The following ZC3H13 variants were observed in gnomAD, a reference collection of about 807,000 sequenced individuals.
ZC3H13 encodes the protein zinc finger CCCH-type containing 13, also known as zinc finger CCCH domain-containing protein 13.
A neutral mutation model predicts 204.1 loss-of-function variants in ZC3H13; 64 were observed. The observed-to-expected ratio is 0.31, with a 90% CI of 0.26 to 0.39. ZC3H13 has a LOEUF of 0.39. Ranked by LOEUF, ZC3H13 falls within the 10% of genes least tolerant of loss-of-function variation. ZC3H13 has a pLI of 1.00. For missense variants in ZC3H13, 1,833 were observed against 2,082.7 expected (o/e 0.88, Z 2.33); for synonymous variants, 667 against 693.7 (o/e 0.96, Z 0.60).
At position 45,957,336 on chromosome 13, in the gene ZC3H13, T is replaced by C. The variant is rs1419884871; in HGVS notation, c.4840-39A>G. Reference sequence around the variant, plus strand: ...ACAAAAACAAACTTTAAAAAAGATGTACATTATTAGTAGGAAAGATGGGCA... The same window carrying C: ...ACAAAAACAAACTTTAAAAAAGATGCACATTATTAGTAGGAAAGATGGGCA... On this transcript the variant is annotated intron_variant, in intron 18 of 18. Coordinates refer to ENST00000679008, the MANE Select transcript of ZC3H13 (RefSeq NM_001330564.2). 7 of 1,421,438 alleles carry C rather than the reference T, an allele frequency of 4.9e-6. No individual in the cohort carries two copies. In the South Asian group the frequency reaches 6.5e-5, roughly 13 times the overall value. The allele number at this position is 1,421,438 out of a possible 1,614,324, so 88.1% of individuals were successfully genotyped here. A position where few individuals can be genotyped will look rare whatever the true frequency, so the allele number is the denominator to read the frequency against.
Position 46,028,743 on chromosome 13 carries a change from T to C in ZC3H13, c.340-8186A>G, listed in dbSNP as rs568184868. Among the ~76,000 whole-genome samples the C allele has an allele frequency of 9.2e-5, 14 of 152,254 alleles. No homozygotes were observed. The East Asian group carries it at 2.7e-3, about 29-fold the overall frequency. The stretch of plus-strand genomic sequence containing the variant: ...AGAAATTGCAAAAAAATTTTTAAAA[T>C]ATTTTAAACTAAATGAAAATAAAAA... On this transcript the variant is annotated intron_variant, in intron 4 of 18. Coordinates refer to ENST00000679008, the MANE Select transcript of ZC3H13 (RefSeq NM_001330564.2).
intron 9 of ZC3H13, among the ~76,000 whole-genome samples, chr13:45,988,101 A>G (rs898034367): frequency 6.6e-6 from 1 of 152,140 alleles, no homozygotes; most frequent in Non-Finnish European, 1.5e-5. Flanking sequence ...TGATGCTTTC[A>G]AACTACGCTC....
chr13:45,985,507 C>T lies in ZC3H13; in HGVS notation c.1510G>A (p.Ala504Thr). 3 of 1,614,208 alleles carry T rather than the reference C, an allele frequency of 1.9e-6. No homozygotes were observed. Among genetic ancestry groups the T allele is most frequent in the Non-Finnish European group, 2.5e-6 (3 of 1,180,048 alleles). ...DPRDSRSTRDAHDYRDREGRD... is the reference protein window; with the variant it reads ...DPRDSRSTRDTHDYRDREGRD... ...CCTTCACGGTCCCTGTAGTCATGGG[C>T]ATCACGAGTGGACCGAGAATCTCTG... Residue 504 changes from alanine (A) to threonine (T), a missense_variant, in exon 10 of 19, where the codon GCC (alanine) becomes ACC (threonine). Ala to Thr is a moderately conservative substitution (Grantham distance 58). This residue lies in a region of ZC3H13 where 1,574 missense variants were observed against 1,757.2 expected (regional missense o/e 0.90). Coordinates refer to ENST00000679008, the MANE Select transcript of ZC3H13 (RefSeq NM_001330564.2).
At chr13:46,032,794 A>G (rs926982866) in intron 4 of ZC3H13, among the ~76,000 whole-genome samples, 8 of 152,178 alleles carry the variant, frequency 5.3e-5, no homozygotes, top group African/African-American at 1.9e-4. Flanking sequence ...CAATCATACA[A>G]TGAAATACTA....
At chr13:46,004,844 C>T (rs1380628939) in intron 7 of ZC3H13, among the ~76,000 whole-genome samples, 4 of 152,236 alleles carry the variant, frequency 2.6e-5, no homozygotes, top group South Asian at 4.1e-4. Context: ...CTTTAATCTA[C>T]TTGTAATTGA....
At chr13:45,975,242 T>G (rs765335789) in intron 12 of ZC3H13, 41 bp downstream of exon 12, 1 of 1,567,738 alleles carries the variant, frequency 6.4e-7, no homozygotes, top group Non-Finnish European at 8.6e-7. Context: ...AATTCTTTCC[T>G]GAAATGTAAA....
At chr13:45,976,689 T>TA (rs1433874754) in intron 11 of ZC3H13, among the ~76,000 whole-genome samples, 2 of 152,132 alleles carry the variant, frequency 1.3e-5, no homozygotes, top group Admixed American at 6.6e-5. Flanking sequence ...TAGTCTGGGA[T>TA]AAAAAAACGT....
intron 1 of ZC3H13, 111 bp from the exon 2 acceptor site, chr13:46,045,627 G>T: frequency 1.4e-6 from 1 of 728,298 alleles, no homozygotes; most frequent in Admixed American, 2.3e-5. Flanking sequence ...AATTACAGGA[G>T]ATTTTCCTTG....
At chr13:46,012,496 T>C (rs950054175) in intron 5 of ZC3H13, among the ~76,000 whole-genome samples, 43 of 152,308 alleles carry the variant, frequency 2.8e-4, no homozygotes, top group African/African-American at 1.0e-3. Context: ...GAAGTCCTAC[T>C]TGACTGCTTA....
At chr13:46,033,741 A>G (rs912994474) in intron 4 of ZC3H13, among the ~76,000 whole-genome samples, 2 of 152,112 alleles carry the variant, frequency 1.3e-5, no homozygotes, top group Non-Finnish European at 2.9e-5. Flanking sequence ...GAAATACACA[A>G]TGTGCTGGGA....
At chr13:45,987,469 A>G (rs2138233151) in intron 9 of ZC3H13, among the ~76,000 whole-genome samples, 1 of 152,306 alleles carries the variant, frequency 6.6e-6, no homozygotes, top group Non-Finnish European at 1.5e-5. Context: ...GTACAATATA[A>G]GAGAATTTTC....
At position 46,003,284 on chromosome 13, in the gene ZC3H13, G is replaced by A. The variant is rs1035891012; in HGVS notation, c.799C>T (p.Pro267Ser). The A allele has an allele frequency of 1.6e-5, 26 of 1,612,600 alleles. No homozygotes were observed. Among genetic ancestry groups the A allele is most frequent in the Non-Finnish European group, 1.9e-5 (22 of 1,179,692 alleles). The change falls in exon 8 of 19, where the codon CCC becomes TCC. Residue 267 changes from proline to serine, a missense_variant. Pro to Ser is a moderately conservative substitution (Grantham distance 74). Transcript: ENST00000679008. ...KKKGPRTPSP[P>S]PPIPEDIALG... The stretch of plus-strand genomic sequence containing the variant: ...GCGATATCTTCTGGTATAGGAGGGG[G>A]TGGACTAGGAGTACGTGGTCCTTTC...
chr13:46,047,976 T>C (rs978965108), intron 1 of ZC3H13, among the ~76,000 whole-genome samples: 1 of 152,122 alleles, frequency 6.6e-6, no homozygotes, highest in South Asian at 2.1e-4. Context: ...GGAAATGAGT[T>C]AGTTCTGCCC....
In ZC3H13 at chr13:45,967,769, C is replaced by T. The variant is rs1300810267; in HGVS notation, c.4056G>A (p.Arg1352=). 6.2e-7 allele frequency: 1 copy of T among 1,611,890 alleles called. No individual in the cohort carries two copies. Among genetic ancestry groups the T allele is most frequent in the Non-Finnish European group, 8.5e-7 (1 of 1,178,886 alleles). Residue 1352 remains arginine (R), a synonymous_variant, in exon 15 of 19, where the codon AGG becomes AGA. Transcript: ENST00000679008. ...TCTCTCTTTCCCTATCCAAGTCTCTCCTTTTGTCTCGTTCTCTCTCTCGTT... is the reference window on the plus strand; with the variant it reads ...TCTCTCTTTCCCTATCCAAGTCTCTTCTTTTGTCTCGTTCTCTCTCTCGTT... ...ERERERERDK[R]RDLDRERERL...
At chr13:46,014,431 T>C (rs906532618) in intron 5 of ZC3H13, among the ~76,000 whole-genome samples, 1 of 152,160 alleles carries the variant, frequency 6.6e-6, no homozygotes, top group South Asian at 2.1e-4. Context: ...TAATTTATTG[T>C]ATAAAAATAA....
At chr13:45,959,335 T>C (rs1951511863) in intron 18 of ZC3H13, 148 bp downstream of exon 18, 2 of 715,776 alleles carry the variant, frequency 2.8e-6, no homozygotes, top group Non-Finnish European at 2.0e-6. Context: ...TTATACATTT[T>C]AATGGCATTC....
chr13:46,049,733 T>C (rs2044267851), intron 1 of ZC3H13, among the ~76,000 whole-genome samples: 1 of 152,190 alleles, frequency 6.6e-6, no homozygotes, highest in South Asian at 2.1e-4. Flanking sequence ...ATGTAGATTT[T>C]CGGGGCGGGA....
intron 7 of ZC3H13, among the ~76,000 whole-genome samples, chr13:46,005,481 C>T (rs1014250139): frequency 4.0e-4 from 61 of 152,114 alleles, no homozygotes; most frequent in African/African-American, 1.4e-3. Flanking sequence ...CGTTGTTCTG[C>T]TATTTTTTGA....
chr13:45,957,338 C>A lies in ZC3H13; in HGVS notation c.4840-41G>T, dbSNP rs768558402. On this transcript the variant is annotated intron_variant, in intron 18 of 18. Coordinates refer to ENST00000679008, the MANE Select transcript of ZC3H13 (RefSeq NM_001330564.2). ...AAAAACAAACTTTAAAAAAGATGTA[C>A]ATTATTAGTAGGAAAGATGGGCAGG... The A allele has an allele frequency of 6.4e-6, 9 of 1,410,112 alleles. No homozygotes were observed. In the Admixed American group the frequency reaches 2.0e-4, roughly 32 times the overall value. The allele number at this position is 1,410,112 out of a possible 1,614,324, so 87.3% of individuals were successfully genotyped here.
Sources: gnomAD v4.1 joint callset for allele counts (sites outside exome capture counted in the v4.1 genomes callset) on GRCh38, gnomAD v4.1.1 for gene constraint, gnomAD v4.1.1 regional missense constraint, MANE v1.5 for transcripts, NCBI Gene and HGNC (gene_info 2026-07-23, HGNC 2026-07-21) for gene names.